TOGARAM2: variants seen among roughly 807,000 people sequenced by gnomAD.
The protein encoded by TOGARAM2 is TOG array regulator of axonemal microtubules 2.
In TOGARAM2, 85 loss-of-function variants were observed where a neutral mutation model predicts 93.3. The observed-to-expected ratio is 0.91, with a 90% CI of 0.76 to 1.09. The LOEUF (loss-of-function observed/expected upper bound fraction) is 1.09. TOGARAM2 is among the 50% of genes least tolerant of loss of function. The pLI, the probability that TOGARAM2 is intolerant of heterozygous loss-of-function variation, is 0.00. For synonymous variants in TOGARAM2, 593 were observed against 552.8 expected (o/e 1.07, Z -1.02); for missense variants, 1,277 against 1,334.5 (o/e 0.96, Z 0.67).
chr2:28,981,274 A>G (rs966930588), upstream of TOGARAM2: 2 of 152,288 alleles, frequency 1.3e-5, no homozygotes, highest in Non-Finnish European at 2.9e-5. Context: ...GGGCTCCTTC[A>G]GCGAGTGGTT....
upstream of TOGARAM2, among the ~76,000 whole-genome samples, chr2:28,979,338 G>C (rs979535021): frequency 4.6e-5 from 7 of 152,204 alleles, no homozygotes; most frequent in Non-Finnish European, 4.4e-5. Context: ...GCACACTGAG[G>C]GTCACTGGAG....
intron 6 of TOGARAM2, among the ~76,000 whole-genome samples, chr2:29,005,398 GGAGT>G (rs2148299572): frequency 1.4e-5 from 1 of 72,790 alleles, no homozygotes; most frequent in East Asian, 4.2e-4. Context: ...GCATGTATGT[GGAGT>G]GTGTGTGTGC....
chr2:29,009,270 C>T (rs779028156), intron 6 of TOGARAM2, among the ~76,000 whole-genome samples: 2 of 152,288 alleles, frequency 1.3e-5, no homozygotes, highest in South Asian at 2.1e-4. Flanking sequence ...TGCATCCTTG[C>T]GTGACAGCCT....
intron 3 of TOGARAM2, among the ~76,000 whole-genome samples, chr2:28,998,561 A>G (rs934309725): frequency 6.6e-6 from 1 of 152,290 alleles, no homozygotes; most frequent in African/African-American, 2.4e-5. Flanking sequence ...ATGTCCACTC[A>G]GCGTCTCTGC....
At chr2:29,041,131 G>A (rs1345820155) in intron 18 of TOGARAM2, among the ~76,000 whole-genome samples, 2 of 151,058 alleles carry the variant, frequency 1.3e-5, no homozygotes, top group African/African-American at 4.9e-5. Flanking sequence ...CTCAAGCGAT[G>A]CTTCTGCCTC....
At chr2:29,018,516 A>T (rs1447971265) in intron 10 of TOGARAM2, 1 of 151,108 alleles carries the variant, frequency 6.6e-6, no homozygotes, top group African/African-American at 2.4e-5. Context: ...GTGAGATTTC[A>T]TTTGGAAAGA....
intron 6 of TOGARAM2, among the ~76,000 whole-genome samples, chr2:29,005,010 GTATGTGTGAGTGCATGTA>G: frequency 1.8e-4 from 2 of 11,016 alleles, no homozygotes; most frequent in Non-Finnish European, 1.2e-3. Flanking sequence ...GTGTGCATGT[GTATGTGTGAGTGCATGTA>G]TGTGAGTGCA....
Position 29,002,644 on chromosome 2 carries a change from A to G in TOGARAM2, c.536A>G (p.Gln179Arg), listed in dbSNP as rs1673374811. The G allele has an allele frequency of 1.2e-6, 2 of 1,613,866 alleles. No individual in the cohort carries two copies. Among genetic ancestry groups the G allele is most frequent in the Non-Finnish European group, 1.7e-6 (2 of 1,179,888 alleles). ...GTGCCCAGGCCGATGCCTCTCATCC[A>G]GAGCATCCCTACCACCCCTGAGGCC... is the stretch of plus-strand genomic sequence containing the variant. ...LRVPRPMPLI[Q>R]SIPTTPEASG... Residue 179 changes from glutamine to arginine, a missense_variant, in exon 5 of 20, where the codon CAG (glutamine) becomes CGG (arginine). Gln to Arg is a conservative substitution (Grantham distance 43). Coordinates refer to ENST00000379558, the MANE Select transcript of TOGARAM2 (RefSeq NM_199280.4).
chr2:29,005,172 A>C (rs1305021344), intron 6 of TOGARAM2, among the ~76,000 whole-genome samples: 1 of 115,312 alleles, frequency 8.7e-6, no homozygotes, highest in African/African-American at 3.3e-5. Context: ...GTGCATGTGT[A>C]AGGGCATATG....
chr2:29,035,808 T>C (rs6752579), intron 17 of TOGARAM2, among the ~76,000 whole-genome samples, 152 bp downstream of exon 17: 18,850 of 152,224 alleles, frequency 0.12, 1,363 homozygotes, highest in African/African-American at 0.19. Context: ...AGTGGCTGAG[T>C]GGGCAAGGGC....
chr2:29,042,943 T>A (rs1389293612), intron 18 of TOGARAM2, among the ~76,000 whole-genome samples: 1 of 152,214 alleles, frequency 6.6e-6, no homozygotes, highest in Non-Finnish European at 1.5e-5. Flanking sequence ...GCTGAGTCAC[T>A]CTGGATGTTT....
chr2:29,019,233 T>C (rs570630276), intron 10 of TOGARAM2, among the ~76,000 whole-genome samples: 27 of 145,074 alleles, frequency 1.9e-4, no homozygotes, highest in Admixed American at 1.2e-3. Flanking sequence ...CAGGCTGGAG[T>C]GCAGTGGTGC....
intron 1 of TOGARAM2, among the ~76,000 whole-genome samples, chr2:28,970,079 A>G (rs866602292): frequency 5.7e-4 from 87 of 152,246 alleles, no homozygotes; most frequent in South Asian, 3.7e-3. Flanking sequence ...CCAAAGTGCT[A>G]GGATTACAGG....
intron 1 of TOGARAM2, among the ~76,000 whole-genome samples, chr2:28,967,157 C>T (rs1260852994): frequency 6.6e-6 from 1 of 152,080 alleles, no homozygotes; most frequent in Admixed American, 6.5e-5. Context: ...AATAGATGAT[C>T]AGATTTCAAG....
At chr2:29,015,571 T>C (rs1024264523) in intron 8 of TOGARAM2, among the ~76,000 whole-genome samples, 1 of 152,174 alleles carries the variant, frequency 6.6e-6, no homozygotes, top group African/African-American at 2.4e-5. Context: ...TTGCCGTGTC[T>C]CTCTTCTCTC....
At chr2:29,048,349 A>G (rs1666868971) in intron 19 of TOGARAM2, 1 of 152,190 alleles carries the variant, frequency 6.6e-6, no homozygotes, top group Admixed American at 6.5e-5. Context: ...CCATTAAAAG[A>G]ATTGTGTTAA....
Position 28,994,810 on chromosome 2 carries a change from T to C in TOGARAM2, c.-25T>C, listed in dbSNP as rs918043612. 2 of 1,551,688 alleles carry C rather than the reference T, an allele frequency of 1.3e-6. No homozygotes were observed. The highest frequency in any genetic ancestry group is 2.7e-5 in the African/African-American group (2 of 73,028). ...AATAGCTGCTGCCTCTGGGCAACCT[T>C]GTAGGCACCTTCTCCACCCAGGACA... On this transcript the variant is annotated 5_prime_UTR_variant, in exon 2 of 20. Transcript: ENST00000379558.
chr2:28,992,875 C>T (rs976003169), intron 1 of TOGARAM2, among the ~76,000 whole-genome samples: 4 of 152,060 alleles, frequency 2.6e-5, no homozygotes, highest in African/African-American at 7.3e-5. Context: ...GCCTCGCCAA[C>T]ATGGTGAAAC....
chr2:29,017,050 C>T, intron 8 of TOGARAM2, 104 bp from the exon 9 acceptor site: 1 of 1,458,100 alleles, frequency 6.9e-7, no homozygotes, highest in Non-Finnish European at 9.4e-7. Flanking sequence ...TTTTTGTTCA[C>T]TTCCAGGACA....
Sources: gnomAD v4.1 joint callset for allele counts (sites outside exome capture counted in the v4.1 genomes callset) on GRCh38, gnomAD v4.1.1 for gene constraint, MANE v1.5 for transcripts, NCBI Gene and HGNC (gene_info 2026-07-23, HGNC 2026-07-21) for gene names.